Variants in ENKUR observed in about 807,000 individuals in gnomAD.
The protein encoded by ENKUR is enkurin, TRPC channel interacting protein.
A neutral mutation model predicts 27.6 loss-of-function variants in ENKUR; 19 were observed. The observed-to-expected ratio is 0.69, with a 90% CI of 0.48 to 1.01. The LOEUF is 1.01. Among genes scored for constraint, ENKUR ranks in the 50% least tolerant of loss-of-function variants. The probability of loss-of-function intolerance (pLI) is 0.00; values close to 1 mark genes in which losing one functional copy is unlikely to be tolerated. For synonymous variants in ENKUR, 117 were observed against 96.9 expected, an observed-to-expected ratio of 1.21 and a Z score of -1.22; for missense variants, 312 against 310.5, an observed-to-expected ratio of 1.00 and a Z score of -0.04.
chr10:25,030,360 C>G (rs1490484034), intron 2 of ENKUR, among the ~76,000 whole-genome samples: 1 of 152,004 alleles, frequency 6.6e-6, no homozygotes, highest in Non-Finnish European at 1.5e-5. Context: ...TAATATTTTG[C>G]TGTGTATAGA....
At chr10:25,033,018 A>G (rs1850954450) in intron 2 of ENKUR, among the ~76,000 whole-genome samples, 1 of 152,212 alleles carries the variant, frequency 6.6e-6, no homozygotes, top group Non-Finnish European at 1.5e-5. Context: ...ATATTACTAA[A>G]TGATGATTAC....
chr10:25,034,220 T>G (rs1040004146), intron 2 of ENKUR, among the ~76,000 whole-genome samples: 1 of 152,182 alleles, frequency 6.6e-6, no homozygotes, highest in African/African-American at 2.4e-5. Flanking sequence ...TAAACTTATA[T>G]GTACACATAC....
chr10:25,012,385 G>A (rs747303961), intron 1 of ENKUR, among the ~76,000 whole-genome samples: 1 of 152,196 alleles, frequency 6.6e-6, no homozygotes, highest in Non-Finnish European at 1.5e-5. Context: ...AATCCACTGA[G>A]AGCATGCACC....
At chr10:25,049,561 G>A (rs559429017) in intron 2 of ENKUR, among the ~76,000 whole-genome samples, 1 of 152,138 alleles carries the variant, frequency 6.6e-6, no homozygotes, top group African/African-American at 2.4e-5. Context: ...GCTGAAGCAG[G>A]CAGATCACCT....
chr10:25,042,405 C>T (rs946654466), intron 2 of ENKUR, among the ~76,000 whole-genome samples: 13 of 151,958 alleles, frequency 8.6e-5, no homozygotes, highest in Non-Finnish European at 1.6e-4. Flanking sequence ...AGCAATTCTC[C>T]TGCCTCAGCC....
intron 3 of ENKUR, among the ~76,000 whole-genome samples, chr10:24,991,549 C>T (rs922204761): frequency 2.0e-5 from 3 of 152,070 alleles, no homozygotes; most frequent in Admixed American, 6.6e-5. Context: ...GGCAGGCCAT[C>T]GATCAGTGGA....
chr10:25,050,586 C>G (rs1325296779), intron 2 of ENKUR, among the ~76,000 whole-genome samples: 1 of 152,114 alleles, frequency 6.6e-6, no homozygotes, highest in African/African-American at 2.4e-5. Flanking sequence ...TTCTACGACT[C>G]GTGGGAACTA....
chr10:25,022,873 AAAGC>A (rs1850752708), intron 2 of ENKUR, among the ~76,000 whole-genome samples: 1 of 152,212 alleles, frequency 6.6e-6, no homozygotes, highest in Non-Finnish European at 1.5e-5. Context: ...TATACTTTTA[AAAGC>A]ATCTACAATC....
chr10:24,988,670 A>G (rs1196051493), intron 4 of ENKUR, among the ~76,000 whole-genome samples: 6 of 472 alleles, frequency 0.013, no homozygotes, highest in African/African-American at 0.025. Context: ...ATATGTATAT[A>G]TATATATATA....
chr10:24,999,322 A>C, intron 2 of ENKUR, 79 bp downstream of exon 2: 4 of 1,382,428 alleles, frequency 2.9e-6, no homozygotes, highest in Non-Finnish European at 4.0e-6. Context: ...TGCATGTTTA[A>C]TATTCATCAA....
At chr10:25,046,603 C>T (rs1334693326) in intron 2 of ENKUR, among the ~76,000 whole-genome samples, 3 of 152,130 alleles carry the variant, frequency 2.0e-5, no homozygotes, top group African/African-American at 7.2e-5. Flanking sequence ...TCATCTAGAA[C>T]ATAAGGATAA....
intron 2 of ENKUR, chr10:25,025,810 A>G (rs1850839789): frequency 1.0e-5 from 2 of 200,338 alleles, no homozygotes; most frequent in East Asian, 1.3e-4. Flanking sequence ...TTCAGGTACT[A>G]CATCTGTAAC....
intron 2 of ENKUR, chr10:25,023,794 C>T (rs775490861): frequency 6.2e-7 from 1 of 1,614,084 alleles, no homozygotes; most frequent in East Asian, 2.2e-5. Flanking sequence ...ATTTAGAAGA[C>T]AGTATTATAA....
chr10:25,000,397 T>C (rs935698975), intron 1 of ENKUR, among the ~76,000 whole-genome samples: 1 of 152,176 alleles, frequency 6.6e-6, no homozygotes, highest in Admixed American at 6.5e-5. Flanking sequence ...CTACTAATTA[T>C]TGAAAGAGAG....
intron 2 of ENKUR, among the ~76,000 whole-genome samples, chr10:24,997,693 T>C (rs1028255111): frequency 6.6e-6 from 1 of 152,052 alleles, no homozygotes; most frequent in African/African-American, 2.4e-5. Context: ...CCAGCCCTAA[T>C]ACCCTGAATT....
chr10:25,039,327 C>A (rs1851037689), intron 2 of ENKUR, among the ~76,000 whole-genome samples: 1 of 152,152 alleles, frequency 6.6e-6, no homozygotes. Context: ...CACCTGTAAT[C>A]ACAGCAGCTT....
At chr10:24,995,568 T>C in intron 3 of ENKUR, 78 bp downstream of exon 3, 1 of 1,269,256 alleles carries the variant, frequency 7.9e-7, no homozygotes, top group Non-Finnish European at 1.1e-6. Context: ...CTAATAATGA[T>C]AACATAGATG....
chr10:25,003,409 G>A (rs1263761586), intron 1 of ENKUR, among the ~76,000 whole-genome samples: 3 of 152,138 alleles, frequency 2.0e-5, no homozygotes, highest in Non-Finnish European at 2.9e-5. Context: ...GTTTTACCAC[G>A]TTGGCCAGGC....
At chr10:25,039,564 A>T (rs1851039480) in intron 2 of ENKUR, among the ~76,000 whole-genome samples, 2 of 152,172 alleles carry the variant, frequency 1.3e-5, no homozygotes, top group Admixed American at 6.6e-5. Flanking sequence ...TGGGGGACAG[A>T]GTGAGACCCT....
Sources: gnomAD v4.1 joint callset for allele counts (sites outside exome capture counted in the v4.1 genomes callset) on GRCh38, gnomAD v4.1.1 for gene constraint, MANE v1.5 for transcripts, NCBI Gene and HGNC (gene_info 2026-07-23, HGNC 2026-07-21) for gene names.